The following PHF21A variants were observed in gnomAD, a reference collection of about 807,000 sequenced individuals.
PHF21A encodes BHC80a.
Under a neutral mutation model 82.5 loss-of-function variants are expected in PHF21A, and 11 were observed. That is an observed-to-expected ratio of 0.13 (90% CI 0.08 to 0.22). The LOEUF (loss-of-function observed/expected upper bound fraction) is 0.22. PHF21A is among the 10% of genes least tolerant of loss of function. PHF21A has a pLI of 1.00. For synonymous variants in PHF21A, 297 were observed against 302.8 expected (o/e 0.98, Z 0.20); for missense variants, 579 against 837.8 (o/e 0.69, Z 3.81).
intron 1 of PHF21A, among the ~76,000 whole-genome samples, chr11:46,093,347 T>G (rs1436848097): frequency 6.6e-6 from 1 of 152,184 alleles, no homozygotes; most frequent in East Asian, 1.9e-4. Flanking sequence ...TCAAAAGAGC[T>G]TCATGTCTCC....
chr11:46,063,415 G>A (rs2096559464), intron 6 of PHF21A, among the ~76,000 whole-genome samples: 1 of 152,174 alleles, frequency 6.6e-6, no homozygotes, highest in African/African-American at 2.4e-5. Context: ...AGGCCATACT[G>A]TCTTTGTCAC....
chr11:46,087,811 A>G (rs1054706455), intron 3 of PHF21A, among the ~76,000 whole-genome samples: 1 of 152,200 alleles, frequency 6.6e-6, no homozygotes, highest in African/African-American at 2.4e-5. Context: ...GCTAAAGTGC[A>G]GTGGTGCGAT....
At chr11:46,076,301 G>C (rs1436435206) in intron 6 of PHF21A, among the ~76,000 whole-genome samples, 2 of 152,106 alleles carry the variant, frequency 1.3e-5, no homozygotes, top group South Asian at 2.1e-4. Flanking sequence ...TAACATAAAG[G>C]CATGACCATA....
rs2087529350 is a variant in PHF21A, at chr11:45,930,122, G to T, written c.*3846C>A. The T allele has an allele frequency of 6.6e-6, 1 of 152,340 alleles. No individual in the cohort carries two copies. The highest frequency in any genetic ancestry group is 1.5e-5 in the Non-Finnish European group (1 of 68,120). The allele number at this position is 152,340 out of a possible 1,614,324, so 9.4% of individuals were successfully genotyped here. A position where few individuals can be genotyped will look rare whatever the true frequency, so the allele number is the denominator to read the frequency against. On this transcript the variant is annotated 3_prime_UTR_variant, in exon 19 of 19. Coordinates refer to ENST00000676320, the MANE Select transcript of PHF21A (RefSeq NM_001352027.3). ...ATAAGAAGGACCACGCCCTATAAGA[G>T]AATGAAGAGAGGAAACCACTGAAGA...
intron 6 of PHF21A, among the ~76,000 whole-genome samples, chr11:46,032,146 CTTAG>C (rs1480429293): frequency 6.6e-6 from 1 of 152,128 alleles, no homozygotes; most frequent in South Asian, 2.1e-4. Context: ...GTCCTGTGTC[CTTAG>C]TTAGGATCAC....
intron 2 of PHF21A, among the ~76,000 whole-genome samples, chr11:46,091,926 A>T (rs997954478): frequency 1.3e-5 from 2 of 152,200 alleles, no homozygotes. Flanking sequence ...ACATTTTTGG[A>T]AAACGGGACT....
chr11:45,949,516 G>A lies in PHF21A; in HGVS notation c.1148-35C>T, dbSNP rs539448723. 51 of 1,547,914 alleles carry A rather than the reference G, an allele frequency of 3.3e-5. 1 individual carries two copies. The South Asian group carries it at 3.8e-4, about 12-fold the overall frequency. Reference sequence around the variant, plus strand: ...AGAAAAGGTTTTCATTAGCAGAGAGGCATGGAGAACCTAAAAAACTTAACT... The same window carrying A: ...AGAAAAGGTTTTCATTAGCAGAGAGACATGGAGAACCTAAAAAACTTAACT... On this transcript the variant is annotated intron_variant, in intron 12 of 18. Coordinates refer to ENST00000676320, the MANE Select transcript of PHF21A (RefSeq NM_001352027.3).
intron 1 of PHF21A, among the ~76,000 whole-genome samples, chr11:46,099,581 A>ACACAAT (rs1402115911): frequency 2.7e-5 from 4 of 147,812 alleles, no homozygotes; most frequent in African/African-American, 9.9e-5. Flanking sequence ...ACAAACACAA[A>ACACAAT]CACAAAGGGA....
At chr11:46,117,255 C>T (rs1432164535) in intron 1 of PHF21A, 1 of 152,210 alleles carries the variant, frequency 6.6e-6, no homozygotes, top group African/African-American at 2.4e-5. Flanking sequence ...ATTTTTAAAA[C>T]TTCGACACAA....
Position 46,058,458 on chromosome 11 carries a change from T to C in PHF21A, c.153+18296A>G, listed in dbSNP as rs1252451162. Among the ~76,000 whole-genome samples, 3 of 152,206 alleles carry C rather than the reference T, an allele frequency of 2.0e-5. No homozygotes were observed. The East Asian group carries it at 5.8e-4, about 29-fold the overall frequency. On this transcript the variant is annotated intron_variant, in intron 6 of 18. Transcript: ENST00000676320. ...AACTTAGTCTTGTAGGACTGATATA[T>C]TCTCAGCATCTAGAAAGGTACCTGA...
intron 1 of PHF21A, among the ~76,000 whole-genome samples, chr11:46,115,432 T>TA (rs2097276845): frequency 6.6e-6 from 1 of 152,180 alleles, no homozygotes; most frequent in Admixed American, 6.5e-5. Flanking sequence ...TATGGCCACA[T>TA]ATACACACAA....
At chr11:45,969,542 T>C (rs1432863144) in intron 9 of PHF21A, among the ~76,000 whole-genome samples, 6 of 152,264 alleles carry the variant, frequency 3.9e-5, no homozygotes, top group Admixed American at 6.5e-5. Flanking sequence ...TAAATTCTTC[T>C]AGTAAGTTTA....
At chr11:46,025,422 A>G (rs1045506940) in intron 6 of PHF21A, among the ~76,000 whole-genome samples, 4 of 152,210 alleles carry the variant, frequency 2.6e-5, no homozygotes, top group Non-Finnish European at 5.9e-5. Flanking sequence ...CTGCTTTAGC[A>G]CCAATTCTAG....
At chr11:45,974,935 G>C (rs1416967741) in intron 7 of PHF21A, among the ~76,000 whole-genome samples, 2 of 152,128 alleles carry the variant, frequency 1.3e-5, no homozygotes, top group African/African-American at 4.8e-5. Flanking sequence ...GGCAAATACT[G>C]CCAATAGCAA....
At chr11:46,114,086 T>TACACAC (rs57387891) in intron 1 of PHF21A, among the ~76,000 whole-genome samples, 19 of 149,060 alleles carry the variant, frequency 1.3e-4, no homozygotes, top group African/African-American at 4.7e-4. Context: ...TCTAATTCCC[T>TACACAC]ACACACACAC....
intron 6 of PHF21A, among the ~76,000 whole-genome samples, chr11:46,067,338 G>A (rs1220386450): frequency 1.3e-5 from 2 of 152,074 alleles, no homozygotes; most frequent in Non-Finnish European, 1.5e-5. Flanking sequence ...ATGGGGAGGC[G>A]GGCATGAGTG....
intron 7 of PHF21A, among the ~76,000 whole-genome samples, chr11:45,975,214 T>C (rs576349043): frequency 6.6e-6 from 1 of 152,076 alleles, no homozygotes; most frequent in East Asian, 1.9e-4. Flanking sequence ...CTTGAGAGGC[T>C]GAGGTGGAAG....
intron 1 of PHF21A, among the ~76,000 whole-genome samples, chr11:46,108,688 T>C (rs1349584647): frequency 6.6e-6 from 1 of 152,062 alleles, no homozygotes; most frequent in Non-Finnish European, 1.5e-5. Context: ...AATGACTTTC[T>C]AACTTAGATG....
At chr11:45,958,574 C>T (rs1162490642) in intron 10 of PHF21A, among the ~76,000 whole-genome samples, 1 of 149,046 alleles carries the variant, frequency 6.7e-6, no homozygotes, top group Non-Finnish European at 1.5e-5. Context: ...GTACTCCAGC[C>T]TGGGTGACAG....
Sources: gnomAD v4.1 joint callset for allele counts (sites outside exome capture counted in the v4.1 genomes callset) on GRCh38, gnomAD v4.1.1 for gene constraint, MANE v1.5 for transcripts, NCBI Gene and HGNC (gene_info 2026-07-23, HGNC 2026-07-21) for gene names.